Variants in LAMA2 observed in about 807,000 individuals in gnomAD.
The protein encoded by LAMA2 is laminin subunit alpha-2.
Under a neutral mutation model 364.8 loss-of-function variants are expected in LAMA2, and 269 were observed. That is an observed-to-expected ratio of 0.74 (90% CI 0.67 to 0.82). The LOEUF (loss-of-function observed/expected upper bound fraction) is 0.82. LAMA2 is among the 40% of genes least tolerant of loss of function. The probability of loss-of-function intolerance (pLI) is 0.00; values close to 1 mark genes in which losing one functional copy is unlikely to be tolerated. For missense variants in LAMA2, 3,807 were observed against 3,873.2 expected (o/e 0.98, Z 0.45); for synonymous variants, 1,379 against 1,370.6 (o/e 1.01, Z -0.14).
At chr6:129,258,461 G>T (rs1786864381) in intron 14 of LAMA2, among the ~76,000 whole-genome samples, 1 of 151,940 alleles carries the variant, frequency 6.6e-6, no homozygotes, top group Non-Finnish European at 1.5e-5. Context: ...TCTAGAATAG[G>T]TAACTTCATA....
At chr6:129,293,589 C>T (rs182857999) in intron 20 of LAMA2, among the ~76,000 whole-genome samples, 7 of 152,164 alleles carry the variant, frequency 4.6e-5, no homozygotes, top group East Asian at 1.9e-4. Context: ...ATACCCAAAA[C>T]GGGGAAAGTT....
At chr6:129,439,939 G>T (rs560639662) in intron 42 of LAMA2, among the ~76,000 whole-genome samples, 30 of 150,810 alleles carry the variant, frequency 2.0e-4, no homozygotes, top group African/African-American at 4.6e-4. Flanking sequence ...AGCTAATTAG[G>T]TATTCATACA....
intron 19 of LAMA2, among the ~76,000 whole-genome samples, chr6:129,290,131 G>A (rs1306496931): frequency 6.6e-6 from 1 of 151,944 alleles, no homozygotes; most frequent in Middle Eastern, 3.4e-3. Context: ...TTGTTTTTAC[G>A]ATAACATTAA....
chr6:128,988,739 A>C (rs1023335544), intron 1 of LAMA2, among the ~76,000 whole-genome samples: 2 of 152,208 alleles, frequency 1.3e-5, no homozygotes, highest in African/African-American at 4.8e-5. Context: ...TGAAGATTGA[A>C]TTTCATCAGA....
At chr6:129,087,793 G>A (rs1331889948) in intron 3 of LAMA2, among the ~76,000 whole-genome samples, 1 of 151,616 alleles carries the variant, frequency 6.6e-6, no homozygotes, top group Non-Finnish European at 1.5e-5. Context: ...ACAGCAGAGG[G>A]TACAGGCTAC....
At chr6:129,048,533 C>CTACCT (rs1787740133) in intron 1 of LAMA2, among the ~76,000 whole-genome samples, 1 of 62,706 alleles carries the variant, frequency 1.6e-5, no homozygotes, top group Non-Finnish European at 3.1e-5. Context: ...TCCTTCCTTC[C>CTACCT]TTCCTTCCTT....
chr6:128,979,738 A>G (rs1782751060), intron 1 of LAMA2, among the ~76,000 whole-genome samples: 1 of 152,236 alleles, frequency 6.6e-6, no homozygotes, highest in Non-Finnish European at 1.5e-5. Context: ...CTCAAGCTAT[A>G]GAAGTTAATG....
chr6:129,280,178 G>T (rs750625423), intron 18 of LAMA2, 31 bp downstream of exon 18: 1 of 1,386,386 alleles, frequency 7.2e-7, no homozygotes, highest in Non-Finnish European at 1.0e-6. Context: ...CTTGCAAAAT[G>T]ATTTCTACCT....
chr6:129,011,403 T>C (rs1784758750), intron 1 of LAMA2, among the ~76,000 whole-genome samples: 1 of 152,220 alleles, frequency 6.6e-6, no homozygotes. Context: ...AAGCTCCTTA[T>C]GTGGAGAAAA....
chr6:129,299,884 A>G (rs1396818508), intron 21 of LAMA2, among the ~76,000 whole-genome samples: 2 of 152,160 alleles, frequency 1.3e-5, no homozygotes, highest in Non-Finnish European at 2.9e-5. Flanking sequence ...TTAAAAGTTT[A>G]CTCATAACAT....
At chr6:128,969,004 T>C (rs1020026261) in intron 1 of LAMA2, among the ~76,000 whole-genome samples, 4 of 152,142 alleles carry the variant, frequency 2.6e-5, no homozygotes, top group African/African-American at 9.7e-5. Flanking sequence ...TACAGAAGAC[T>C]TTGGTAGGTT....
intron 3 of LAMA2, among the ~76,000 whole-genome samples, chr6:129,078,629 G>T (rs1290890920): frequency 2.0e-5 from 3 of 151,940 alleles, no homozygotes; most frequent in East Asian, 3.8e-4. Context: ...TTATAATATG[G>T]TATGGCTATT....
chr6:129,389,296 A>G (rs1287889156), intron 35 of LAMA2, among the ~76,000 whole-genome samples: 4 of 152,248 alleles, frequency 2.6e-5, no homozygotes, highest in African/African-American at 7.2e-5. Context: ...TTGGGCTGCT[A>G]TAATGAAAAT....
chr6:128,906,692 A>G (rs533814889), intron 1 of LAMA2, among the ~76,000 whole-genome samples: 38 of 152,180 alleles, frequency 2.5e-4, no homozygotes, highest in Non-Finnish European at 4.9e-4. Context: ...TTGGTGTTTT[A>G]GACATGAAGT....
intron 20 of LAMA2, among the ~76,000 whole-genome samples, chr6:129,294,080 G>A (rs1789911660): frequency 6.6e-6 from 1 of 152,186 alleles, no homozygotes; most frequent in South Asian, 2.1e-4. Flanking sequence ...AGACAGCATA[G>A]CCTTCTGCTG....
At chr6:128,925,841 C>T (rs1468075248) in intron 1 of LAMA2, among the ~76,000 whole-genome samples, 2 of 151,928 alleles carry the variant, frequency 1.3e-5, no homozygotes, top group Admixed American at 1.3e-4. Context: ...TAAATGCTAT[C>T]TTAATGCATA....
intron 40 of LAMA2, among the ~76,000 whole-genome samples, chr6:129,416,166 G>A (rs1027605325): frequency 9.6e-5 from 4 of 41,638 alleles, no homozygotes; most frequent in African/African-American, 3.0e-4. Flanking sequence ...AGCCGGGATG[G>A]TCTCGATCTC....
chr6:129,295,365 A>G (rs1583436306), intron 20 of LAMA2, among the ~76,000 whole-genome samples: 2 of 152,146 alleles, frequency 1.3e-5, no homozygotes, highest in Admixed American at 1.3e-4. Context: ...ATTTATGGGA[A>G]CCTATACAGT....
intron 4 of LAMA2, among the ~76,000 whole-genome samples, chr6:129,105,812 C>A (rs546666396): frequency 1.5e-4 from 23 of 152,082 alleles, no homozygotes; most frequent in Non-Finnish European, 3.2e-4. Flanking sequence ...GACGAACTTT[C>A]TAGATGGCAC....
Sources: allele counts gnomAD v4.1 joint callset (sites outside exome capture counted in the v4.1 genomes callset), GRCh38; gene constraint gnomAD v4.1.1; transcripts MANE v1.5; gene names NCBI Gene and HGNC (gene_info 2026-07-23, HGNC 2026-07-21).